Variants in HPF1 observed in about 807,000 individuals in gnomAD.
HPF1 encodes histone PARylation factor 1, also known as UPF0609 protein C4orf27.
In HPF1, 35 loss-of-function variants were observed where a neutral mutation model predicts 38.8. That is an observed-to-expected ratio of 0.90 (90% CI 0.69 to 1.19). HPF1 has a LOEUF of 1.19. Ranked by LOEUF, HPF1 falls within the 50% of genes most tolerant of loss-of-function variation. HPF1 has a pLI of 0.00. For missense variants in HPF1, 367 were observed against 405.8 expected (o/e 0.90, Z 0.82); for synonymous variants, 115 against 139.2 (o/e 0.83, Z 1.22).
intron 6 of HPF1, among the ~76,000 whole-genome samples, chr4:169,735,569 C>G (rs559780846): frequency 6.6e-6 from 1 of 152,142 alleles, no homozygotes; most frequent in African/African-American, 2.4e-5. Flanking sequence ...AACCCCAGAA[C>G]CACAACTACC....
chr4:169,737,289 CAAAAA>C (rs35524684), intron 6 of HPF1, among the ~76,000 whole-genome samples: 1 of 108,512 alleles, frequency 9.2e-6, no homozygotes, highest in Non-Finnish European at 1.8e-5. Context: ...CACTCCGTCT[CAAAAA>C]AAAAAAAAAA....
intron 1 of HPF1, among the ~76,000 whole-genome samples, chr4:169,755,260 A>G (rs1419081250): frequency 6.6e-6 from 1 of 152,162 alleles, no homozygotes; most frequent in East Asian, 1.9e-4. Flanking sequence ...ACAATAGACT[A>G]TTACACTTAA....
At chr4:169,743,104 A>C (rs913779468) in intron 4 of HPF1, among the ~76,000 whole-genome samples, 3 of 151,648 alleles carry the variant, frequency 2.0e-5, no homozygotes, top group Non-Finnish European at 2.9e-5. Context: ...CAAAAAAAAA[A>C]ACAAAAAACT....
chr4:169,751,088 T>C (rs1053487849), intron 2 of HPF1, among the ~76,000 whole-genome samples: 2 of 152,104 alleles, frequency 1.3e-5, no homozygotes, highest in Admixed American at 6.5e-5. Flanking sequence ...GAGAGAAAGA[T>C]AGCAAAAATG....
intron 4 of HPF1, among the ~76,000 whole-genome samples, chr4:169,744,960 T>A (rs72696693): frequency 1.3e-5 from 2 of 151,382 alleles, no homozygotes; most frequent in African/African-American, 2.4e-5. Flanking sequence ...GACTGTACAA[T>A]AAGAAAAAAA....
intron 4 of HPF1, among the ~76,000 whole-genome samples, chr4:169,744,817 CTCTT>C (rs1269526764): frequency 7.2e-4 from 109 of 151,440 alleles, no homozygotes; most frequent in African/African-American, 2.5e-3. Context: ...CAATGAGTCA[CTCTT>C]TTTTTTTTTT....
intron 4 of HPF1, among the ~76,000 whole-genome samples, chr4:169,745,352 A>G (rs893114969): frequency 2.0e-5 from 3 of 152,210 alleles, no homozygotes; most frequent in African/African-American, 7.2e-5. Flanking sequence ...GCTCCCAGGT[A>G]GGCAGGGTCA....
At chr4:169,747,447 T>C (rs1290267901) in intron 4 of HPF1, among the ~76,000 whole-genome samples, 1 of 152,166 alleles carries the variant, frequency 6.6e-6, no homozygotes, top group African/African-American at 2.4e-5. Context: ...GAATTCACTT[T>C]ACTGCAAATT....
intron 1 of HPF1, among the ~76,000 whole-genome samples, chr4:169,754,141 G>A (rs1734153513): frequency 6.6e-6 from 1 of 152,176 alleles, no homozygotes; most frequent in Non-Finnish European, 1.5e-5. Flanking sequence ...AATAAAGAAA[G>A]GGCAGATTTT....
intron 4 of HPF1, among the ~76,000 whole-genome samples, chr4:169,742,604 A>G (rs1019722456): frequency 1.1e-4 from 17 of 152,320 alleles, no homozygotes; most frequent in Admixed American, 8.5e-4. Context: ...CATCCTGGCT[A>G]ACAAGGTGAA....
At chr4:169,746,999 AAAAAAAAAC>A (rs1734057936) in intron 4 of HPF1, among the ~76,000 whole-genome samples, 3 of 151,124 alleles carry the variant, frequency 2.0e-5, no homozygotes, top group Admixed American at 2.0e-4. Context: ...TTTTAAAAAA[AAAAAAAAAC>A]ATGACTAATA....
At position 169,729,718 on chromosome 4, in the gene HPF1, TA is replaced by T; in HGVS notation, c.910-10del. On this transcript the variant is annotated splice_polypyrimidine_tract_variant and intron_variant, in intron 7 of 7. Coordinates refer to ENST00000393381, the MANE Select transcript of HPF1 (RefSeq NM_017867.3). The stretch of plus-strand genomic sequence containing the variant: ...GCAACTTTATGAAAATACTGAAAAA[TA>T]AAAATATAACATTAAGCAGAGAATA... 5.4e-6 allele frequency: 8 copies of T among 1,483,776 alleles called. No individual in the cohort carries two copies. The highest frequency in any genetic ancestry group is 7.2e-6 in the Non-Finnish European group (8 of 1,113,064). The allele number at this position is 1,483,776 out of a possible 1,614,324, so 91.9% of individuals were successfully genotyped here.
intron 5 of HPF1, 46 bp from the exon 6 acceptor site, chr4:169,737,793 C>CAAA: frequency 1.5e-5 from 14 of 963,186 alleles, no homozygotes; most frequent in South Asian, 4.7e-5. Context: ...AAGCAGACAT[C>CAAA]AAAAAAAAAA....
At chr4:169,754,690 G>T (rs1157411444) in intron 1 of HPF1, among the ~76,000 whole-genome samples, 1 of 152,048 alleles carries the variant, frequency 6.6e-6, no homozygotes, top group Non-Finnish European at 1.5e-5. Flanking sequence ...TTCCTACCTA[G>T]AGCAGTGGTT....
At chr4:169,737,106 A>G (rs1383063918) in intron 6 of HPF1, among the ~76,000 whole-genome samples, 3 of 152,122 alleles carry the variant, frequency 2.0e-5, no homozygotes, top group Non-Finnish European at 1.5e-5. Flanking sequence ...ATGGGTTAAA[A>G]TTCTGAAACC....
chr4:169,746,956 G>A, intron 4 of HPF1, among the ~76,000 whole-genome samples: 1 of 140,318 alleles, frequency 7.1e-6, no homozygotes, highest in Non-Finnish European at 1.5e-5. Flanking sequence ...AGAGTCTTGG[G>A]TTATGTTACA....
chr4:169,744,673 G>A (rs1331364993), intron 4 of HPF1, among the ~76,000 whole-genome samples: 1 of 152,132 alleles, frequency 6.6e-6, no homozygotes, highest in Middle Eastern at 3.2e-3. Context: ...GCTCACAGTG[G>A]TATTACAAGT....
chr4:169,732,846 GGT>G (rs1379000075), intron 6 of HPF1, among the ~76,000 whole-genome samples: 1 of 152,098 alleles, frequency 6.6e-6, no homozygotes, highest in Non-Finnish European at 1.5e-5. Context: ...CTTTATATTA[GGT>G]ATTCTAAGTA....
At chr4:169,746,856 C>T (rs943403798) in intron 4 of HPF1, among the ~76,000 whole-genome samples, 2 of 150,234 alleles carry the variant, frequency 1.3e-5, no homozygotes, top group Admixed American at 6.6e-5. Flanking sequence ...CTGATCTTCA[C>T]CTAAGTTATA....
Sources: allele counts gnomAD v4.1 joint callset (sites outside exome capture counted in the v4.1 genomes callset), GRCh38; gene constraint gnomAD v4.1.1; transcripts MANE v1.5; gene names NCBI Gene and HGNC (gene_info 2026-07-23, HGNC 2026-07-21).